ZNF527: variants seen among roughly 807,000 people sequenced by gnomAD.
The protein encoded by ZNF527 is zinc finger protein 527.
ZNF527 carries 5 observed loss-of-function variants against 13.5 expected under a neutral mutation model. The ratio of observed to expected loss-of-function variants is 0.37; its 90% CI spans 0.19 to 0.78. ZNF527 has a LOEUF of 0.78. ZNF527 is among the 30% of genes least tolerant of loss of function. The pLI is 0.48. For missense variants in ZNF527, 628 were observed against 726.4 expected, an observed-to-expected ratio of 0.86 and a Z score of 1.56; for synonymous variants, 209 against 243.1, an observed-to-expected ratio of 0.86 and a Z score of 1.30.
In ZNF527 at chr19:37,389,529, GGAGA is replaced by G; in HGVS notation, c.1485_1488del (p.Glu495AspfsTer16). ...TAATCGACATCATAGAATTCACACTGGAGAGAGACCATTTGAATGCAGTAAATGT... is the reference window on the plus strand; with the variant it reads ...TAATCGACATCATAGAATTCACACTGGAGACCATTTGAATGCAGTAAATGT... On this transcript the variant is annotated frameshift_variant, in exon 5 of 5. Coordinates refer to ENST00000436120, the MANE Select transcript of ZNF527 (RefSeq NM_032453.2). LOFTEE classifies it low-confidence loss of function (END_TRUNC). The G allele has an allele frequency of 6.2e-7, 1 of 1,614,156 alleles. No homozygotes were observed.
rs760003304 is a variant in ZNF527, at chr19:37,375,311, T to TTTCTTTCTTTCTTTCTTTC, written c.33+1082_33+1083insCTTTCTTTCTTTCTTTCTT. On this transcript the variant is annotated intron_variant, in intron 2 of 4. Coordinates refer to ENST00000436120, the MANE Select transcript of ZNF527 (RefSeq NM_032453.2). ...CTTTCTTTCTTTCTTTCTTTCTTTC[T>TTTCTTTCTTTCTTTCTTTC]TTTCTTTCTTTCTTTCTTTCTTTCT... 2.5e-3 allele frequency among the ~76,000 whole-genome samples: 200 copies of TTTCTTTCTTTCTTTCTTTC among 79,712 alleles called. 1 individual carries two copies. The highest frequency in any genetic ancestry group is 7.3e-3 in the African/African-American group (129 of 17,720). The allele number at this position is 79,712 out of a possible 152,430, so 52.3% of individuals were successfully genotyped here.
chr19:37,372,591 G>A (rs1394577403), intron 1 of ZNF527, among the ~76,000 whole-genome samples: 1 of 145,660 alleles, frequency 6.9e-6, no homozygotes, highest in East Asian at 2.1e-4. Context: ...TCCCACCTCA[G>A]CCTCCCAAGT....
intron 1 of ZNF527, among the ~76,000 whole-genome samples, chr19:37,371,915 A>G (rs575509800): frequency 2.0e-5 from 3 of 151,964 alleles, no homozygotes; most frequent in Non-Finnish European, 4.4e-5. Context: ...GCACAGAAAT[A>G]TTAGAATTAC....
intron 3 of ZNF527, 135 bp downstream of exon 3, chr19:37,379,381 T>TA: frequency 1.3e-6 from 1 of 787,618 alleles, no homozygotes; most frequent in Non-Finnish European, 1.9e-6. Flanking sequence ...TCCCAGGAAA[T>TA]GATTTGAAAT....
At position 37,386,140 on chromosome 19, in the gene ZNF527, CT is replaced by C. The variant is rs1050024983; in HGVS notation, c.257-2144del. On this transcript the variant is annotated intron_variant, in intron 4 of 4. Transcript: ENST00000436120. ...TAGAACTTTCTTTTCTCTTCTTTTC[CT>C]TTTTTTTTTTTTTTTTTTTTTGAGA... Among the ~76,000 whole-genome samples the C allele has an allele frequency of 4.8e-3, 349 of 72,456 alleles. 1 individual carries two copies. The highest frequency in any genetic ancestry group is 0.015 in the South Asian group (21 of 1,438). The allele number at this position is 72,456 out of a possible 152,430, so 47.5% of individuals were successfully genotyped here.
rs2040738504 is a variant in ZNF527 at position 37,389,908 on chromosome 19, T to A, written c.*29T>A. The A allele has an allele frequency of 6.5e-7, 1 of 1,532,000 alleles. No homozygotes were observed. Among genetic ancestry groups the A allele is most frequent in the East Asian group, 2.3e-5 (1 of 44,362 alleles). 94.9% of individuals were successfully genotyped at this position (1,532,000 alleles called of 1,614,324 possible). On this transcript the variant is annotated 3_prime_UTR_variant, in exon 5 of 5. Coordinates refer to ENST00000436120, the MANE Select transcript of ZNF527 (RefSeq NM_032453.2). ...TAACAAGTATAGGAAAGAAAACATG[T>A]GGTTACCACTCAATCCTTATTAAAT... is the stretch of plus-strand genomic sequence containing the variant.
At chr19:37,384,788 C>A in intron 4 of ZNF527, 1 of 543,548 alleles carries the variant, frequency 1.8e-6, no homozygotes, top group Non-Finnish European at 3.3e-6. Context: ...AGCATCTTTC[C>A]AGGAATGCAT....
intron 4 of ZNF527, 49 bp downstream of exon 4, chr19:37,380,421 C>G: frequency 6.6e-7 from 1 of 1,512,088 alleles, no homozygotes; most frequent in South Asian, 1.2e-5. Context: ...GGTACTCAAC[C>G]AAGTAGTAAG....
At position 37,393,005 on chromosome 19, in the gene ZNF527, TTATG is replaced by T. The variant is rs2040766615; in HGVS notation, c.*3128_*3131del. The T allele has an allele frequency of 6.6e-6, 1 of 152,146 alleles. No homozygotes were observed. Among genetic ancestry groups the T allele is most frequent in the African/African-American group, 2.4e-5 (1 of 41,436 alleles). The allele number at this position is 152,146 out of a possible 1,614,324, so 9.4% of individuals were successfully genotyped here. ...ATTAGGACCATCTAGAGATTTCTGTTTATGTGTGTGTATGTGCATCTGAAGATGT... is the reference window on the plus strand; with the variant it reads ...ATTAGGACCATCTAGAGATTTCTGTTTGTGTGTATGTGCATCTGAAGATGT... On this transcript the variant is annotated 3_prime_UTR_variant, in exon 5 of 5. Transcript: ENST00000436120.
At position 37,389,995 on chromosome 19, in the gene ZNF527, A is replaced by G. The variant is rs1421379370; in HGVS notation, c.*116A>G. 2 of 1,335,158 alleles carry G rather than the reference A, an allele frequency of 1.5e-6. No individual in the cohort carries two copies. The highest frequency in any genetic ancestry group is 1.5e-5 in the African/African-American group (1 of 67,580). The allele number at this position is 1,335,158 out of a possible 1,614,324, so 82.7% of individuals were successfully genotyped here. On this transcript the variant is annotated 3_prime_UTR_variant, in exon 5 of 5. Transcript: ENST00000436120. ...GTAGTTCATATTTCAGTTCATGAGT[A>G]TCCGTTATTTGAAGTAGCTCAGTAG...
Position 37,388,287 on chromosome 19 carries a change from C to G in ZNF527, c.257-19C>G. The G allele has an allele frequency of 6.2e-7, 1 of 1,601,394 alleles. No homozygotes were observed. The highest frequency in any genetic ancestry group is 2.2e-5 in the East Asian group (1 of 44,690). ...AGCAAAAGAACAAAGGAGACATTTG[C>G]TTTCTTGATATTTTTCAGACTGGGA... is the stretch of plus-strand genomic sequence containing the variant. On this transcript the variant is annotated intron_variant, in intron 4 of 4. Coordinates refer to ENST00000436120, the MANE Select transcript of ZNF527 (RefSeq NM_032453.2).
At chr19:37,386,832 G>A (rs1451923896) in intron 4 of ZNF527, among the ~76,000 whole-genome samples, 1 of 152,194 alleles carries the variant, frequency 6.6e-6, no homozygotes, top group African/African-American at 2.4e-5. Flanking sequence ...TGGTAAGATG[G>A]AGTATAGTGG....
chr19:37,383,244 C>CT (rs74174457), intron 4 of ZNF527, among the ~76,000 whole-genome samples: 8 of 151,028 alleles, frequency 5.3e-5, no homozygotes, highest in East Asian at 2.0e-4. Context: ...ATTTTTTATG[C>CT]TTTTTTTTTG....
At chr19:37,378,052 C>T (rs1377656368) in intron 2 of ZNF527, among the ~76,000 whole-genome samples, 1 of 148,416 alleles carries the variant, frequency 6.7e-6, no homozygotes, top group Non-Finnish European at 1.5e-5. Flanking sequence ...TTTTTTGAGA[C>T]GGAGTCTTGC....
rs1052216201 is a variant in ZNF527, at chr19:37,380,341, G to A, written c.225G>A (p.Val75=). 1.9e-6 allele frequency: 3 copies of A among 1,613,928 alleles called. No homozygotes were observed. Among genetic ancestry groups the A allele is most frequent in the Non-Finnish European group, 2.5e-6 (3 of 1,179,960 alleles). Residue 75 remains valine, a synonymous_variant, in exon 4 of 5, where the codon GTG becomes GTA. Transcript: ENST00000436120. The stretch of plus-strand genomic sequence containing the variant: ...AGCAAGGGAAGGAACCGTGGATGGT[G>A]GAGAGAAAGATGTCACAGGGTCACT... ...LLEQGKEPWM[V]ERKMSQGHCA...
chr19:37,388,692 G>C lies in ZNF527; in HGVS notation c.643G>C (p.Glu215Gln). ...AATTGAATATAAAAGACTCCATGCTGAGAAGGAATCTTTGATAGGTAATGA... is the reference window on the plus strand; with the variant it reads ...AATTGAATATAAAAGACTCCATGCTCAGAAGGAATCTTTGATAGGTAATGA... The part of the protein sequence containing the change: ...VIIEYKRLHA[E>Q]KESLIGNECE... The change falls in exon 5 of 5, where the codon GAG (glutamate) becomes CAG (glutamine). Residue 215 changes from glutamate to glutamine, a missense_variant. Transcript: ENST00000436120. 1 of 1,611,396 alleles carries C rather than the reference G, an allele frequency of 6.2e-7. No individual in the cohort carries two copies. Among genetic ancestry groups the C allele is most frequent in the Non-Finnish European group, 8.5e-7 (1 of 1,179,300 alleles).
rs1007121729 is a variant in ZNF527 at position 37,390,441 on chromosome 19, A to C, written c.*562A>C. 6.5e-6 allele frequency: 1 copy of C among 152,760 alleles called. No individual in the cohort carries two copies. Among genetic ancestry groups the C allele is most frequent in the Non-Finnish European group, 1.5e-5 (1 of 68,518 alleles). 9.5% of individuals were successfully genotyped at this position (152,760 alleles called of 1,614,324 possible). On this transcript the variant is annotated 3_prime_UTR_variant, in exon 5 of 5. Transcript: ENST00000436120. ...CAGTGGACTGGTCACAGGCTGGCCA[A>C]TTATTTCCCCCAACCTAGTGATAAG...
At chr19:37,382,852 G>T (rs1419474673) in intron 4 of ZNF527, among the ~76,000 whole-genome samples, 3 of 151,994 alleles carry the variant, frequency 2.0e-5, no homozygotes, top group African/African-American at 7.2e-5. Context: ...GACTACAGGC[G>T]CATGCCACCA....
chr19:37,386,888 G>A (rs1341251606), intron 4 of ZNF527, among the ~76,000 whole-genome samples: 1 of 152,210 alleles, frequency 6.6e-6, no homozygotes, highest in Non-Finnish European at 1.5e-5. Context: ...AAGTGAGTGA[G>A]GGAACAGAAG....
Sources: allele counts gnomAD v4.1 joint callset (sites outside exome capture counted in the v4.1 genomes callset), GRCh38; gene constraint gnomAD v4.1.1; transcripts MANE v1.5; gene names NCBI Gene and HGNC (gene_info 2026-07-23, HGNC 2026-07-21).